The following CDH18 variants were observed in gnomAD, a reference collection of about 807,000 sequenced individuals.
CDH18 encodes the protein cadherin-18.
In CDH18, 31 loss-of-function variants were observed where a neutral mutation model predicts 67.9. That is an observed-to-expected ratio of 0.46 (90% CI 0.34 to 0.62). CDH18 has a LOEUF of 0.62. Among genes scored for constraint, CDH18 ranks in the 20% least tolerant of loss-of-function variants. The pLI, the probability that CDH18 is intolerant of heterozygous loss-of-function variation, is 0.01. For missense variants in CDH18, 890 were observed against 975.5 expected (o/e 0.91, Z 1.17); for synonymous variants, 362 against 347.2 (o/e 1.04, Z -0.48).
chr5:20,412,079 G>A (rs755571166), intron 1 of CDH18, among the ~76,000 whole-genome samples: 7 of 151,874 alleles, frequency 4.6e-5, no homozygotes, highest in Middle Eastern at 3.2e-3. Context: ...TAGACAAAGC[G>A]GTCCTAAGCA....
rs569559863 is a variant in CDH18, at chr5:19,656,770, T to C, written c.644-44169A>G. On this transcript the variant is annotated intron_variant, in intron 5 of 12. Transcript: ENST00000382275. ...ATAGAGTAACAATTGAAATGTATGT[T>C]TGTGAAGTACTAAAGGGTGCCCAGT... Among the ~76,000 whole-genome samples, 5 of 152,174 alleles carry C rather than the reference T, an allele frequency of 3.3e-5. No individual in the cohort carries two copies. In the South Asian group the frequency reaches 8.3e-4, roughly 25 times the overall value.
At chr5:19,957,749 T>C (rs546768016) in intron 2 of CDH18, among the ~76,000 whole-genome samples, 5 of 152,166 alleles carry the variant, frequency 3.3e-5, no homozygotes, top group African/African-American at 1.2e-4. Flanking sequence ...TACATTTTTT[T>C]CTTTGCTTCC....
At chr5:20,269,995 C>T (rs1028144385) in intron 1 of CDH18, among the ~76,000 whole-genome samples, 2 of 151,970 alleles carry the variant, frequency 1.3e-5, no homozygotes, top group Non-Finnish European at 2.9e-5. Context: ...GCCAAAAAAA[C>T]ATGAACCTGA....
chr5:19,590,412 C>G (rs1744905087), intron 7 of CDH18, among the ~76,000 whole-genome samples: 1 of 151,480 alleles, frequency 6.6e-6, no homozygotes, highest in Admixed American at 6.6e-5. Flanking sequence ...ATTATAATTA[C>G]TAGAAGAAGA....
chr5:20,370,543 T>C (rs1156411920), intron 1 of CDH18, among the ~76,000 whole-genome samples: 1 of 152,204 alleles, frequency 6.6e-6, no homozygotes, highest in African/African-American at 2.4e-5. Context: ...TTCACTCACT[T>C]ACTAAAGATC....
intron 5 of CDH18, among the ~76,000 whole-genome samples, chr5:19,630,232 G>A (rs1318212777): frequency 6.6e-6 from 1 of 152,124 alleles, no homozygotes; most frequent in East Asian, 1.9e-4. Flanking sequence ...GTGAGCCACT[G>A]TGCCTGGCCA....
chr5:20,388,794 A>G (rs1003469823), intron 1 of CDH18, among the ~76,000 whole-genome samples: 13 of 152,008 alleles, frequency 8.6e-5, no homozygotes, highest in Non-Finnish European at 1.3e-4. Context: ...TTCTGCCTTG[A>G]TTTCGTTATG....
intron 3 of CDH18, among the ~76,000 whole-genome samples, chr5:19,782,714 G>A (rs1775268160): frequency 6.6e-6 from 1 of 152,076 alleles, no homozygotes; most frequent in Non-Finnish European, 1.5e-5. Flanking sequence ...TTTGTCTCCT[G>A]CACTGTAAAA....
Position 20,172,238 on chromosome 5 carries a change from A to ATATATATG in CDH18, c.-518+83205_-518+83206insCATATATA, listed in dbSNP as rs1554098805. ...TATATATATATGTATATATATATAT[A>ATATATATG]TGTATATATATATATATATCTCCTC... On this transcript the variant is annotated intron_variant, in intron 2 of 14. Transcript: ENST00000507958. Among the ~76,000 whole-genome samples the ATATATATG allele has an allele frequency of 2.5e-5, 3 of 118,962 alleles. 1 individual carries two copies. Among genetic ancestry groups the ATATATATG allele is most frequent in the African/African-American group, 1.1e-4 (3 of 26,344 alleles). 78.0% of individuals were successfully genotyped at this position (118,962 alleles called of 152,430 possible).
Position 20,561,025 on chromosome 5 carries a change from C to T in CDH18, c.-580+14437G>A, listed in dbSNP as rs547269411. ...TAAAACAATGTTCCATATCATATAT[C>T]ATTAGAGAAACGCAAATTAAAACAA... On this transcript the variant is annotated intron_variant, in intron 1 of 14. Coordinates refer to the CDH18 transcript ENST00000507958. Among the ~76,000 whole-genome samples the T allele has an allele frequency of 1.1e-4, 17 of 152,088 alleles. 1 individual carries two copies. The highest frequency in any genetic ancestry group is 6.2e-4 in the South Asian group (3 of 4,810).
intron 5 of CDH18, among the ~76,000 whole-genome samples, chr5:19,708,275 T>C (rs1580987390): frequency 6.6e-6 from 1 of 152,308 alleles, no homozygotes; most frequent in East Asian, 1.9e-4. Flanking sequence ...GATGGATTAG[T>C]AGCTATTAAC....
intron 2 of CDH18, among the ~76,000 whole-genome samples, chr5:20,135,314 C>G (rs535550264): frequency 6.6e-6 from 1 of 152,072 alleles, no homozygotes; most frequent in South Asian, 2.1e-4. Context: ...CTGGTTTAGT[C>G]TTGGGAGGGT....
intron 1 of CDH18, among the ~76,000 whole-genome samples, chr5:20,509,665 C>T (rs1352259166): frequency 1.5e-3 from 8 of 5,506 alleles, no homozygotes; most frequent in East Asian, 9.3e-3. Flanking sequence ...GTGATCCGCC[C>T]GCCTTGGCCT....
intron 2 of CDH18, among the ~76,000 whole-genome samples, chr5:20,077,731 G>C (rs527396240): frequency 6.6e-6 from 1 of 152,036 alleles, no homozygotes; most frequent in African/African-American, 2.4e-5. Flanking sequence ...AATTAAAAAA[G>C]TACTATGTAT....
intron 2 of CDH18, among the ~76,000 whole-genome samples, chr5:20,020,707 A>T (rs935289206): frequency 6.6e-6 from 1 of 152,114 alleles, no homozygotes; most frequent in Admixed American, 6.6e-5. Flanking sequence ...CAGAGGGTGT[A>T]TGGAAATGCC....
intron 3 of CDH18, among the ~76,000 whole-genome samples, chr5:19,765,333 C>T (rs753710252): frequency 6.6e-6 from 1 of 151,714 alleles, no homozygotes; most frequent in Non-Finnish European, 1.5e-5. Flanking sequence ...ACTCACTTTC[C>T]CTTGAGGGAA....
At position 19,543,920 on chromosome 5, in the gene CDH18, C is replaced by T. The variant is rs145743816; in HGVS notation, c.1339G>A (p.Asp447Asn). The change falls in exon 9 of 13, where the codon GAC (aspartate) becomes AAC (asparagine). Residue 447 changes from aspartate to asparagine, a missense_variant. Transcript: ENST00000382275. ...TGTIRTTKVL[D>N]REETPWYNIT... ...TTGTACCATGGAGTTTCTTCTCTGT[C>T]GAGAACCTTTGTAGTCCTAATGGTC... The T allele has an allele frequency of 8.8e-5, 140 of 1,595,274 alleles. No homozygotes were observed. Among genetic ancestry groups the T allele is most frequent in the African/African-American group, 3.1e-4 (23 of 74,658 alleles).
intron 1 of CDH18, among the ~76,000 whole-genome samples, chr5:20,458,114 TTTTA>T (rs1355131363): frequency 1.3e-5 from 2 of 151,744 alleles, no homozygotes; most frequent in Non-Finnish European, 2.9e-5. Flanking sequence ...TGCTTTTTTG[TTTTA>T]TTTGTTTGTT....
At chr5:20,262,799 G>A (rs964601665) in intron 1 of CDH18, among the ~76,000 whole-genome samples, 18 of 151,828 alleles carry the variant, frequency 1.2e-4, no homozygotes, top group African/African-American at 4.1e-4. Context: ...AAATCGATCA[G>A]TTAAGTAATT....
Sources: gnomAD v4.1 joint callset for allele counts (sites outside exome capture counted in the v4.1 genomes callset) on GRCh38, gnomAD v4.1.1 for gene constraint, MANE v1.5 for transcripts, NCBI Gene and HGNC (gene_info 2026-07-23, HGNC 2026-07-21) for gene names.